Variants in FBXL17 observed in about 807,000 individuals in gnomAD.
FBXL17 encodes F-box/LRR-repeat protein 17.
Under a neutral mutation model 66.2 loss-of-function variants are expected in FBXL17, and 22 were observed. The observed-to-expected ratio is 0.33, with a 90% confidence interval of 0.24 to 0.47. FBXL17 has a LOEUF of 0.47. FBXL17 is among the 20% of genes least tolerant of loss of function. FBXL17 has a pLI of 1.00. For synonymous variants in FBXL17, 474 were observed against 400.5 expected (o/e 1.18, Z -2.19); for missense variants, 878 against 948.2 (o/e 0.93, Z 0.97).
intron 6 of FBXL17, among the ~76,000 whole-genome samples, chr5:108,071,606 TTCTC>T (rs1419408759): frequency 2.3e-5 from 3 of 129,640 alleles, no homozygotes; most frequent in Admixed American, 1.6e-4. Context: ...TTTATTCTCC[TTCTC>T]TCTTTCTCTT....
intron 7 of FBXL17, among the ~76,000 whole-genome samples, chr5:108,008,353 G>A (rs1459714108): frequency 6.6e-6 from 1 of 152,102 alleles, no homozygotes; most frequent in Admixed American, 6.5e-5. Context: ...AGTTGAAAAC[G>A]AATGCTTTAG....
At chr5:108,031,317 T>C (rs1380031147) in intron 6 of FBXL17, among the ~76,000 whole-genome samples, 1 of 152,054 alleles carries the variant, frequency 6.6e-6, no homozygotes, top group Non-Finnish European at 1.5e-5. Context: ...AAAAGAAATA[T>C]TTGAGAAAGG....
At chr5:108,287,024 T>C (rs1330594944) in intron 4 of FBXL17, among the ~76,000 whole-genome samples, 1 of 151,760 alleles carries the variant, frequency 6.6e-6, no homozygotes, top group East Asian at 1.9e-4. Flanking sequence ...AAACAAGCAA[T>C]GGGAAAAAAG....
At chr5:108,012,073 CA>C in intron 7 of FBXL17, among the ~76,000 whole-genome samples, 1 of 152,180 alleles carries the variant, frequency 6.6e-6, no homozygotes, top group East Asian at 1.9e-4. Flanking sequence ...ATATGAAAAG[CA>C]GAGAAATTTG....
intron 7 of FBXL17, among the ~76,000 whole-genome samples, chr5:107,944,745 A>C (rs1354258788): frequency 6.6e-6 from 1 of 152,156 alleles, no homozygotes; most frequent in Non-Finnish European, 1.5e-5. Flanking sequence ...AAAAGAATGG[A>C]CTACTCAATA....
At chr5:108,027,930 A>T (rs1309015220) in intron 6 of FBXL17, among the ~76,000 whole-genome samples, 1 of 152,124 alleles carries the variant, frequency 6.6e-6, no homozygotes, top group African/African-American at 2.4e-5. Flanking sequence ...GTTTCCATCA[A>T]TTCATAATCC....
At chr5:108,212,441 G>C (rs898135292) in intron 5 of FBXL17, among the ~76,000 whole-genome samples, 9 of 152,152 alleles carry the variant, frequency 5.9e-5, no homozygotes, top group Admixed American at 5.9e-4. Flanking sequence ...CAGCCTTTTT[G>C]TGCTGGTTTC....
chr5:107,987,396 G>A (rs965171565), intron 7 of FBXL17, among the ~76,000 whole-genome samples: 2 of 151,788 alleles, frequency 1.3e-5, no homozygotes, highest in African/African-American at 4.8e-5. Flanking sequence ...TGCTAAAGCC[G>A]ATCTTGAAAA....
chr5:108,118,135 A>G (rs779082258), intron 6 of FBXL17, among the ~76,000 whole-genome samples: 2 of 152,180 alleles, frequency 1.3e-5, no homozygotes, highest in African/African-American at 4.8e-5. Flanking sequence ...TTTCCTAAGT[A>G]TAACACTTGA....
intron 6 of FBXL17, among the ~76,000 whole-genome samples, chr5:108,077,044 C>T (rs1050078962): frequency 1.3e-5 from 2 of 152,072 alleles, no homozygotes; most frequent in Non-Finnish European, 2.9e-5. Context: ...TCTGACAGGT[C>T]CAGGAACCTC....
chr5:108,040,291 C>A (rs1314384442), intron 6 of FBXL17, among the ~76,000 whole-genome samples: 1 of 152,032 alleles, frequency 6.6e-6, no homozygotes, highest in East Asian at 1.9e-4. Flanking sequence ...TGGGAAGGAT[C>A]TGGGGAAAAA....
At chr5:108,066,652 G>T (rs1044197746) in intron 6 of FBXL17, among the ~76,000 whole-genome samples, 1 of 151,746 alleles carries the variant, frequency 6.6e-6, no homozygotes, top group African/African-American at 2.4e-5. Context: ...TTTTCATAAT[G>T]TATCATTTTA....
chr5:108,267,804 T>C (rs1757106165), intron 4 of FBXL17, among the ~76,000 whole-genome samples: 1 of 152,018 alleles, frequency 6.6e-6, no homozygotes, highest in African/African-American at 2.4e-5. Context: ...CTGTATTTGG[T>C]AGGGACAGAT....
chr5:108,370,969 GT>G (rs1405498531), intron 1 of FBXL17, among the ~76,000 whole-genome samples: 2 of 151,200 alleles, frequency 1.3e-5, no homozygotes, highest in African/African-American at 2.4e-5. Flanking sequence ...AGTTTCCTGG[GT>G]TTTTTTTTCT....
intron 4 of FBXL17, among the ~76,000 whole-genome samples, chr5:108,250,385 T>G (rs879321939): frequency 6.6e-6 from 1 of 152,172 alleles, no homozygotes; most frequent in African/African-American, 2.4e-5. Context: ...ATTAATGTTC[T>G]GACCTTTACA....
intron 5 of FBXL17, among the ~76,000 whole-genome samples, chr5:108,223,765 T>G (rs182300195): frequency 1.3e-5 from 2 of 152,324 alleles, no homozygotes; most frequent in South Asian, 2.1e-4. Context: ...CCATATTCAC[T>G]TTTTAAAGCC....
intron 6 of FBXL17, among the ~76,000 whole-genome samples, chr5:108,082,353 C>G (rs775168036): frequency 3.3e-5 from 5 of 152,158 alleles, no homozygotes; most frequent in Admixed American, 1.3e-4. Context: ...TTTCTTCTCT[C>G]TAGCATGGTG....
chr5:108,024,319 G>T (rs901951360), intron 6 of FBXL17, among the ~76,000 whole-genome samples: 5 of 152,104 alleles, frequency 3.3e-5, no homozygotes, highest in Non-Finnish European at 7.4e-5. Context: ...TGAATGTCAA[G>T]CACAATTAAG....
intron 7 of FBXL17, among the ~76,000 whole-genome samples, chr5:107,887,165 A>G (rs1226835442): frequency 1.3e-5 from 2 of 152,272 alleles, no homozygotes; most frequent in South Asian, 2.1e-4. Flanking sequence ...GCATACGTGA[A>G]CTCTACTATT....
Sources: gnomAD v4.1 joint callset for allele counts (sites outside exome capture counted in the v4.1 genomes callset) on GRCh38, gnomAD v4.1.1 for gene constraint, MANE v1.5 for transcripts, NCBI Gene and HGNC (gene_info 2026-07-23, HGNC 2026-07-21) for gene names.